COL19A1: variants seen among roughly 807,000 people sequenced by gnomAD.
COL19A1 encodes collagen alpha-1(XIX) chain.
Under a neutral mutation model 190.2 loss-of-function variants are expected in COL19A1, and 159 were observed. The ratio of observed to expected loss-of-function variants is 0.84; its 90% CI spans 0.73 to 0.95. The LOEUF (loss-of-function observed/expected upper bound fraction) is 0.95, where lower values mean the gene tolerates loss of function less well. Ranked by LOEUF, COL19A1 falls within the 40% of genes least tolerant of loss-of-function variation. COL19A1 has a pLI of 0.00. For synonymous variants in COL19A1, 509 were observed against 458.9 expected, an observed-to-expected ratio of 1.11 and a Z score of -1.39; for missense variants, 1,418 against 1,431.9, an observed-to-expected ratio of 0.99 and a Z score of 0.16.
chr6:69,971,372 A>G (rs1282589885), intron 11 of COL19A1, among the ~76,000 whole-genome samples: 2 of 152,296 alleles, frequency 1.3e-5, no homozygotes, highest in East Asian at 3.9e-4. Context: ...AATAGAGAGT[A>G]GAAGCCAGGT....
intron 18 of COL19A1, among the ~76,000 whole-genome samples, chr6:70,135,517 G>A (rs2150228496): frequency 6.6e-6 from 1 of 152,286 alleles, no homozygotes; most frequent in East Asian, 1.9e-4. Context: ...TGTATGCCAG[G>A]AAACTGGGAG....
At chr6:69,888,698 C>T (rs1769115087) in intron 2 of COL19A1, among the ~76,000 whole-genome samples, 1 of 150,458 alleles carries the variant, frequency 6.6e-6, no homozygotes, top group Non-Finnish European at 1.5e-5. Flanking sequence ...GAGGCTGAGT[C>T]AGGGGAATTG....
Position 70,207,330 on chromosome 6 carries a change from T to G in COL19A1, c.*56T>G. 6.6e-7 allele frequency: 1 copy of G among 1,517,666 alleles called. No individual in the cohort carries two copies. Among genetic ancestry groups the G allele is most frequent in the Non-Finnish European group, 8.9e-7 (1 of 1,121,374 alleles). 94.0% of individuals were successfully genotyped at this position (1,517,666 alleles called of 1,614,324 possible). On this transcript the variant is annotated 3_prime_UTR_variant, in exon 51 of 51. Transcript: ENST00000620364. ...ACATTTCCTTGCCACTGGAGCTCTCTTAATACCGTCAAACCCTCATCATCT... is the reference window on the plus strand; with the variant it reads ...ACATTTCCTTGCCACTGGAGCTCTCGTAATACCGTCAAACCCTCATCATCT...
intron 1 of COL19A1, among the ~76,000 whole-genome samples, chr6:69,867,125 T>C (rs1036265514): frequency 3.4e-5 from 5 of 149,188 alleles, no homozygotes; most frequent in African/African-American, 1.2e-4. Flanking sequence ...GTGTTAGCCC[T>C]GGAAGCGAGG....
intron 11 of COL19A1, among the ~76,000 whole-genome samples, chr6:70,017,796 A>T (rs1254569801): frequency 1.3e-5 from 2 of 152,154 alleles, no homozygotes; most frequent in Non-Finnish European, 2.9e-5. Flanking sequence ...CAAATGCTTC[A>T]GATAGGTTAA....
chr6:70,133,937 C>T (rs2150226670), intron 18 of COL19A1, among the ~76,000 whole-genome samples: 1 of 152,228 alleles, frequency 6.6e-6, no homozygotes, highest in Non-Finnish European at 1.5e-5. Context: ...TTGTCCTGCC[C>T]CTGTTTACCT....
intron 16 of COL19A1, among the ~76,000 whole-genome samples, chr6:70,113,135 A>C (rs1462525414): frequency 1.3e-5 from 2 of 152,160 alleles, no homozygotes; most frequent in African/African-American, 4.8e-5. Context: ...AGTATATGCC[A>C]AGGTGGGGGA....
chr6:69,966,742 G>C (rs1330127796), intron 11 of COL19A1, among the ~76,000 whole-genome samples: 1 of 147,384 alleles, frequency 6.8e-6, no homozygotes, highest in East Asian at 2.0e-4. Flanking sequence ...CCCCCTCTCT[G>C]AGAAACACCC....
rs1016468063 is a variant in COL19A1, at chr6:70,010,384, C to T, written c.1027-13243C>T. 3.9e-5 allele frequency among the ~76,000 whole-genome samples: 5 copies of T among 127,304 alleles called. 2 individuals are homozygous for T. The highest frequency in any genetic ancestry group is 1.7e-4 in the Admixed American group (2 of 12,066). 83.5% of individuals were successfully genotyped at this position (127,304 alleles called of 152,430 possible). A position where few individuals can be genotyped will look rare whatever the true frequency, so the allele number is the denominator to read the frequency against. On this transcript the variant is annotated intron_variant, in intron 11 of 50. Transcript: ENST00000620364. ...CAAGATGGCCGAATAGGAACAGCTC[C>T]GGTCTACAGCTCCCAGCGTGAGCGA...
chr6:70,136,129 C>A (rs758445040), intron 18 of COL19A1, among the ~76,000 whole-genome samples: 2 of 152,118 alleles, frequency 1.3e-5, no homozygotes, highest in Non-Finnish European at 2.9e-5. Flanking sequence ...TTAAACAAAA[C>A]GTATTCCATA....
intron 47 of COL19A1, 74 bp from the exon 48 acceptor site, chr6:70,190,241 C>A: frequency 3.4e-6 from 4 of 1,184,838 alleles, no homozygotes; most frequent in Admixed American, 2.3e-5. Context: ...AATAGGCAAG[C>A]CAACCCAATA....
chr6:70,089,677 G>A (rs559131532), intron 15 of COL19A1, among the ~76,000 whole-genome samples: 87 of 152,306 alleles, frequency 5.7e-4, no homozygotes, highest in Middle Eastern at 3.4e-3. Flanking sequence ...ATATGCTTCA[G>A]ACACTGCTAA....
Position 70,035,858 on chromosome 6 carries a change from A to G in COL19A1, c.1135-46A>G, listed in dbSNP as rs369064288. ...ACCTAGAAATTTATAAATAATGTGC[A>G]AAAAGGGACTAGTGGTAATTGTAGC... is the stretch of plus-strand genomic sequence containing the variant. On this transcript the variant is annotated intron_variant, in intron 13 of 50. Transcript: ENST00000620364. 410 of 1,542,266 alleles carry G rather than the reference A, an allele frequency of 2.7e-4. 1 individual carries two copies. The highest frequency in any genetic ancestry group is 3.9e-4 in the Admixed American group (23 of 58,354).
chr6:70,068,379 G>A (rs1363202016), intron 14 of COL19A1, 44 bp from the exon 15 acceptor site: 4 of 1,157,284 alleles, frequency 3.5e-6, no homozygotes, highest in East Asian at 2.3e-5. Context: ...TGAGGCAGGT[G>A]TACTTGAAAC....
chr6:70,017,285 A>G (rs1026048127), intron 11 of COL19A1, among the ~76,000 whole-genome samples: 32 of 152,118 alleles, frequency 2.1e-4, no homozygotes, highest in Non-Finnish European at 4.1e-4. Context: ...AAGCAAAACT[A>G]TAGAGACAAA....
At chr6:70,042,405 C>A (rs1779678083) in intron 14 of COL19A1, among the ~76,000 whole-genome samples, 2 of 152,096 alleles carry the variant, frequency 1.3e-5, no homozygotes, top group South Asian at 4.1e-4. Flanking sequence ...ATAAAATGTG[C>A]AATTTATATT....
At chr6:70,134,041 A>G (rs1785679635) in intron 18 of COL19A1, among the ~76,000 whole-genome samples, 1 of 152,178 alleles carries the variant, frequency 6.6e-6, no homozygotes, top group South Asian at 2.1e-4. Flanking sequence ...TTTACAAGCA[A>G]TTGCTAGACT....
At chr6:70,119,314 G>A (rs1319505212) in intron 16 of COL19A1, among the ~76,000 whole-genome samples, 2 of 152,190 alleles carry the variant, frequency 1.3e-5, no homozygotes, top group African/African-American at 4.8e-5. Context: ...GGAGATACAA[G>A]GAGTAGATAA....
rs930199408 is a variant in COL19A1 at position 70,207,592 on chromosome 6, T to C, written c.*318T>C. On this transcript the variant is annotated 3_prime_UTR_variant, in exon 51 of 51. Coordinates refer to ENST00000620364, the MANE Select transcript of COL19A1 (RefSeq NM_001858.6). ...AAGGAAATTGCATCTTGTGACTTAG[T>C]AGACTGATGATGATATCCATTTTGT... 4.7e-5 allele frequency: 8 copies of C among 168,670 alleles called. No individual in the cohort carries two copies. Among genetic ancestry groups the C allele is most frequent in the South Asian group, 1.8e-4 (1 of 5,560 alleles). 10.4% of individuals were successfully genotyped at this position (168,670 alleles called of 1,614,324 possible).
Sources: gnomAD v4.1 joint callset for allele counts (sites outside exome capture counted in the v4.1 genomes callset) on GRCh38, gnomAD v4.1.1 for gene constraint, MANE v1.5 for transcripts, NCBI Gene and HGNC (gene_info 2026-07-23, HGNC 2026-07-21) for gene names.